Variants in CACNA2D3 observed in about 807,000 individuals in gnomAD.
The protein encoded by CACNA2D3 is voltage-dependent calcium channel subunit alpha-2/delta-3.
In CACNA2D3, 60 loss-of-function variants were observed where a neutral mutation model predicts 160.6. The observed-to-expected ratio is 0.37, with a 90% CI of 0.30 to 0.46. The LOEUF is 0.46. Ranked by LOEUF, CACNA2D3 falls within the 20% of genes least tolerant of loss-of-function variation. The pLI is 1.00. For synonymous variants in CACNA2D3, 558 were observed against 492.9 expected, an observed-to-expected ratio of 1.13 and a Z score of -1.75; for missense variants, 1,205 against 1,365.0, an observed-to-expected ratio of 0.88 and a Z score of 1.85.
At chr3:54,154,069 G>A (rs1309702606) in intron 2 of CACNA2D3, among the ~76,000 whole-genome samples, 1 of 152,162 alleles carries the variant, frequency 6.6e-6, no homozygotes, top group Non-Finnish European at 1.5e-5. Context: ...ATGATTGCTA[G>A]GATTTATATG....
At chr3:54,624,291 TGAAAA>T (rs1220086358) in intron 9 of CACNA2D3, among the ~76,000 whole-genome samples, 1 of 151,746 alleles carries the variant, frequency 6.6e-6, no homozygotes, top group Admixed American at 6.6e-5. Context: ...TACACAGAGA[TGAAAA>T]GAAAAATTAA....
chr3:54,927,527 G>A (rs530417018), intron 27 of CACNA2D3, among the ~76,000 whole-genome samples: 1 of 152,118 alleles, frequency 6.6e-6, no homozygotes, highest in Admixed American at 6.5e-5. Context: ...CATGTTTGCC[G>A]CAGAATCCAC....
chr3:54,894,690 CCA>C (rs1700145342), intron 25 of CACNA2D3: 1 of 491,876 alleles, frequency 2.0e-6, no homozygotes, highest in Non-Finnish European at 4.1e-6. Context: ...ATGCATCCTG[CCA>C]TGGGCCAGGC....
chr3:54,388,555 A>G (rs1367293572), intron 4 of CACNA2D3, among the ~76,000 whole-genome samples: 1 of 152,226 alleles, frequency 6.6e-6, no homozygotes, highest in African/African-American at 2.4e-5. Flanking sequence ...GGATGGTTGG[A>G]AACATTGGAA....
At chr3:54,790,535 C>T (rs918966821) in intron 13 of CACNA2D3, among the ~76,000 whole-genome samples, 6 of 152,164 alleles carry the variant, frequency 3.9e-5, no homozygotes. Flanking sequence ...GTTTCACAAA[C>T]TTTAAAAACA....
chr3:54,489,243 T>C (rs1359422670), intron 4 of CACNA2D3, among the ~76,000 whole-genome samples: 2 of 152,186 alleles, frequency 1.3e-5, no homozygotes, highest in Admixed American at 6.5e-5. Context: ...TTGGTATTTC[T>C]GGAAGCTCGC....
intron 29 of CACNA2D3, among the ~76,000 whole-genome samples, chr3:54,979,534 A>T (rs1028477163): frequency 6.6e-6 from 1 of 152,254 alleles, no homozygotes; most frequent in Non-Finnish European, 1.5e-5. Flanking sequence ...AATTGTTAAA[A>T]GCTGTAAATA....
At chr3:54,204,303 A>G (rs1045793796) in intron 2 of CACNA2D3, among the ~76,000 whole-genome samples, 1 of 152,136 alleles carries the variant, frequency 6.6e-6, no homozygotes, top group Non-Finnish European at 1.5e-5. Context: ...TCACATATGT[A>G]TGGAAATATA....
In CACNA2D3 at chr3:54,871,669, C is replaced by A. The variant is rs772622264; in HGVS notation, c.1710+47C>A. ...CTCGTGGAGAAGGACCTGCATTGTA[C>A]CCACTTCTGTACCTGGGGGCGATCC... On this transcript the variant is annotated intron_variant, in intron 18 of 37. Coordinates refer to ENST00000474759, the MANE Select transcript of CACNA2D3 (RefSeq NM_018398.3). 21 of 1,433,014 alleles carry A rather than the reference C, an allele frequency of 1.5e-5. No individual in the cohort carries two copies. In the African/African-American group the frequency reaches 2.8e-4, roughly 19 times the overall value. 88.8% of individuals were successfully genotyped at this position (1,433,014 alleles called of 1,614,324 possible).
At chr3:54,649,620 G>A (rs1384355155) in intron 11 of CACNA2D3, among the ~76,000 whole-genome samples, 2 of 152,080 alleles carry the variant, frequency 1.3e-5, no homozygotes, top group Non-Finnish European at 2.9e-5. Context: ...GCCTTCTCTT[G>A]GTATCCTCAC....
intron 35 of CACNA2D3, among the ~76,000 whole-genome samples, chr3:55,045,616 T>G (rs1704059800): frequency 6.6e-6 from 1 of 152,188 alleles, no homozygotes; most frequent in African/African-American, 2.4e-5. Context: ...TGAGTGAGCT[T>G]TGGTAGTTTG....
At position 54,600,012 on chromosome 3, in the gene CACNA2D3, C is replaced by T. The variant is rs527676879; in HGVS notation, c.963+18135C>T. 9.2e-4 allele frequency among the ~76,000 whole-genome samples: 140 copies of T among 152,292 alleles called. 1 individual carries two copies. The highest frequency in any genetic ancestry group is 2.4e-3 in the African/African-American group (99 of 41,564). On this transcript the variant is annotated intron_variant, in intron 9 of 37. Transcript: ENST00000474759. ...TAAGTCTGCTGGCACAGCCTGTGCA[C>T]GGCCCCGGAGTTTTTATTTTTTTGC...
At chr3:54,817,378 G>C (rs893763531) in intron 14 of CACNA2D3, among the ~76,000 whole-genome samples, 14 of 152,098 alleles carry the variant, frequency 9.2e-5, no homozygotes, top group Non-Finnish European at 1.9e-4. Context: ...TCTTGCCAAT[G>C]GCCAGACCCT....
chr3:55,007,902 A>G, intron 33 of CACNA2D3, 60 bp downstream of exon 33: 1 of 1,163,944 alleles, frequency 8.6e-7, no homozygotes, highest in African/African-American at 1.6e-5. Context: ...TTGTATCATA[A>G]AGTGATCTAA....
chr3:54,554,870 C>CTCTTTTTTTTTTTTTTT (rs1274391923), intron 5 of CACNA2D3, among the ~76,000 whole-genome samples: 2 of 96,168 alleles, frequency 2.1e-5, no homozygotes, highest in Non-Finnish European at 3.9e-5. Flanking sequence ...CTCTCACTCT[C>CTCTTTTTTTTTTTTTTT]TTTTTTTTTT....
intron 3 of CACNA2D3, among the ~76,000 whole-genome samples, chr3:54,350,393 A>G (rs1698531914): frequency 6.6e-6 from 1 of 152,084 alleles, no homozygotes; most frequent in Non-Finnish European, 1.5e-5. Flanking sequence ...GTTCTATGCC[A>G]GGTCCCAAGA....
chr3:54,273,005 ATGGGCCGTGAGGACAGC>A (rs1702650361), intron 2 of CACNA2D3: 1 of 152,304 alleles, frequency 6.6e-6, no homozygotes, highest in Admixed American at 6.5e-5. Context: ...GAGTCCTGCC[ATGGGCCGTGAGGACAGC>A]CGGCCACTCT....
chr3:55,069,768 G>C (rs991060814), intron 35 of CACNA2D3, among the ~76,000 whole-genome samples: 1 of 152,126 alleles, frequency 6.6e-6, no homozygotes, highest in African/African-American at 2.4e-5. Flanking sequence ...GATTTTTATA[G>C]CTTGGCCAAA....
chr3:54,406,330 G>A (rs1405859946), intron 4 of CACNA2D3, among the ~76,000 whole-genome samples: 1 of 152,014 alleles, frequency 6.6e-6, no homozygotes, highest in Non-Finnish European at 1.5e-5. Context: ...TAAAGAAACT[G>A]TGTGCATATA....
Sources: allele counts gnomAD v4.1 joint callset (sites outside exome capture counted in the v4.1 genomes callset), GRCh38; gene constraint gnomAD v4.1.1; transcripts MANE v1.5; gene names NCBI Gene and HGNC (gene_info 2026-07-23, HGNC 2026-07-21).